COBLL1: variants seen among roughly 807,000 people sequenced by gnomAD.
COBLL1 encodes cordon-bleu protein-like 1.
In COBLL1, 50 loss-of-function variants were observed where a neutral mutation model predicts 94.8. The ratio of observed to expected loss-of-function variants is 0.53; its 90% CI spans 0.42 to 0.67. COBLL1 has a LOEUF of 0.67. Among genes scored for constraint, COBLL1 ranks in the 30% least tolerant of loss-of-function variants. COBLL1 has a pLI of 0.00. For missense variants in COBLL1, 1,362 were observed against 1,348.7 expected (o/e 1.01, Z -0.15); for synonymous variants, 448 against 473.8 (o/e 0.95, Z 0.71).
At chr2:164,778,517 T>C (rs377351562) in intron 2 of COBLL1, among the ~76,000 whole-genome samples, 15 of 152,134 alleles carry the variant, frequency 9.9e-5, no homozygotes, top group African/African-American at 3.4e-4. Context: ...GCATGAGAAG[T>C]GCTTGAACCC....
chr2:164,827,816 A>T (rs3769918), intron 2 of COBLL1, among the ~76,000 whole-genome samples: 30,421 of 152,210 alleles, frequency 0.2, 3,129 homozygotes, highest in Middle Eastern at 0.28. Flanking sequence ...GTTGTAAAAA[A>T]TAATATACCC....
chr2:164,720,667 C>A (rs973265736), intron 7 of COBLL1, among the ~76,000 whole-genome samples: 1 of 152,156 alleles, frequency 6.6e-6, no homozygotes, highest in African/African-American at 2.4e-5. Flanking sequence ...CCTGACTTGA[C>A]CCCTGCTTAC....
chr2:164,805,337 C>A (rs12692746), intron 2 of COBLL1, among the ~76,000 whole-genome samples: 6,561 of 15,842 alleles, frequency 0.41, 1,509 homozygotes, highest in Middle Eastern at 0.5. Context: ...CTCTCTCTCT[C>A]TATATATATA....
At position 164,728,116 on chromosome 2, in the gene COBLL1, G is replaced by A; in HGVS notation, c.514C>T (p.Leu172Phe). 6.2e-7 allele frequency: 1 copy of A among 1,613,624 alleles called. No individual in the cohort carries two copies. Among genetic ancestry groups the A allele is most frequent in the East Asian group, 2.2e-5 (1 of 44,848 alleles). ...CATTTGCTACATATAATAGGGGCAA[G>A]CTCTTGAAGCGATGCATGTGGACTC... ...RVSPHASLQE[L>F]APIICSKCEF... The change falls in exon 5 of 14, where the codon CTT becomes TTT. Residue 172 changes from leucine (L) to phenylalanine (F), a missense_variant. Transcript: ENST00000652658.
chr2:164,691,003 A>T (rs1447289684), intron 13 of COBLL1, among the ~76,000 whole-genome samples: 1 of 152,204 alleles, frequency 6.6e-6, no homozygotes, highest in Non-Finnish European at 1.5e-5. Flanking sequence ...CCAAATTGTT[A>T]TGCTGCCTGG....
rs1684513982 is a variant in COBLL1 at position 164,705,065 on chromosome 2, T to C, written c.1037A>G (p.Gln346Arg). The part of the protein sequence containing the change: ...EAGRVRAGSL[Q>R]LSSMSAGNSS... ...ATTCCCTGCAGACATGCTGCTGAGC[T>C]GCAGTGAACCTGCCCTCACTCTTCC... The change falls in exon 8 of 14, where the codon CAG (glutamine) becomes CGG (arginine). Residue 346 changes from glutamine (Q) to arginine (R), a missense_variant. Transcript: ENST00000652658. 6.3e-7 allele frequency: 1 copy of C among 1,590,892 alleles called. No individual in the cohort carries two copies. Among genetic ancestry groups the C allele is most frequent in the South Asian group, 1.2e-5 (1 of 86,816 alleles).
chr2:164,701,986 ATATT>A (rs1376665648), intron 9 of COBLL1, among the ~76,000 whole-genome samples: 6 of 152,094 alleles, frequency 3.9e-5, no homozygotes, highest in Admixed American at 3.3e-4. Context: ...ACATAATTCA[ATATT>A]TAAAGTACTT....
At chr2:164,728,570 AG>A (rs1685831855) in intron 4 of COBLL1, among the ~76,000 whole-genome samples, 2 of 152,022 alleles carry the variant, frequency 1.3e-5, no homozygotes, top group Non-Finnish European at 2.9e-5. Context: ...CTACCCTTTG[AG>A]GAATATTTAT....
At chr2:164,825,685 G>C (rs1685395416) in intron 2 of COBLL1, among the ~76,000 whole-genome samples, 1 of 152,140 alleles carries the variant, frequency 6.6e-6, no homozygotes, top group Middle Eastern at 3.2e-3. Context: ...GGTGCGTGAG[G>C]CTAATTTTCA....
At chr2:164,676,684 T>A (rs1691341724), downstream of COBLL1, among the ~76,000 whole-genome samples, 1 of 151,516 alleles carries the variant, frequency 6.6e-6, no homozygotes, top group South Asian at 2.1e-4. Context: ...CTGCTTTTTT[T>A]TTTTCCCCCC....
chr2:164,792,803 T>C (rs1683257446), intron 2 of COBLL1, among the ~76,000 whole-genome samples: 2 of 152,250 alleles, frequency 1.3e-5, no homozygotes, highest in South Asian at 4.1e-4. Flanking sequence ...CCTGGAGATG[T>C]TACTCCTCAA....
At chr2:164,697,793 C>T (rs1684030978) in intron 11 of COBLL1, 1 of 152,006 alleles carries the variant, frequency 6.6e-6, no homozygotes, top group African/African-American at 2.4e-5. Flanking sequence ...CCTGGAAACC[C>T]AGAATCCATC....
chr2:164,668,250 C>T (rs1191566434), intron 1 of COBLL1, among the ~76,000 whole-genome samples: 1 of 151,404 alleles, frequency 6.6e-6, no homozygotes, highest in East Asian at 2.0e-4. Flanking sequence ...ACGTGTGAGC[C>T]ACCACGCCCA....
intron 2 of COBLL1, among the ~76,000 whole-genome samples, chr2:164,814,132 G>C (rs1165064161): frequency 6.6e-6 from 1 of 152,098 alleles, no homozygotes; most frequent in Admixed American, 6.6e-5. Flanking sequence ...AGATGAATCA[G>C]AGTAGTAAGG....
intron 2 of COBLL1, among the ~76,000 whole-genome samples, chr2:164,806,981 T>C (rs542549692): frequency 4.6e-5 from 7 of 152,254 alleles, no homozygotes; most frequent in Admixed American, 2.0e-4. Context: ...GCTGGGATTA[T>C]AGCGTGAGCC....
At chr2:164,674,932 G>A (rs750430629) in intron 1 of COBLL1, among the ~76,000 whole-genome samples, 1 of 152,306 alleles carries the variant, frequency 6.6e-6, no homozygotes, top group South Asian at 2.1e-4. Flanking sequence ...TGAAGCAAGT[G>A]AAATTTCATA....
chr2:164,728,986 C>G (rs920016851), intron 4 of COBLL1, among the ~76,000 whole-genome samples: 2 of 151,830 alleles, frequency 1.3e-5, no homozygotes, highest in Non-Finnish European at 2.9e-5. Context: ...AAAACTAAGA[C>G]CCTTTGTATA....
At position 164,762,589 on chromosome 2, in the gene COBLL1, T is replaced by C. The variant is rs575246688; in HGVS notation, c.42-18714A>G. Reference sequence around the variant, plus strand: ...GTGTATTATACGAGAACAAACTAGCTAGCCTGGTAAAAGCATCTGATCATC... The same window carrying C: ...GTGTATTATACGAGAACAAACTAGCCAGCCTGGTAAAAGCATCTGATCATC... On this transcript the variant is annotated intron_variant, in intron 2 of 13. Coordinates refer to ENST00000652658, the MANE Select transcript of COBLL1 (RefSeq NM_001365672.2). 9.8e-5 allele frequency among the ~76,000 whole-genome samples: 15 copies of C among 152,298 alleles called. No individual in the cohort carries two copies. The South Asian group carries it at 2.7e-3, about 27-fold the overall frequency.
At position 164,681,927 on chromosome 2, in the gene COBLL1, A is replaced by C. The variant is rs1383110302; in HGVS notation, c.*4019T>G. 5 of 152,208 alleles carry C rather than the reference A, an allele frequency of 3.3e-5. No homozygotes were observed. The highest frequency in any genetic ancestry group is 5.9e-5 in the Non-Finnish European group (4 of 68,042). The allele number at this position is 152,208 out of a possible 1,614,324, so 9.4% of individuals were successfully genotyped here. ...TTGTAAACACAATGTATCTATATGAACAGTCTAACATATTAAGGATGGAAA... is the reference window on the plus strand; with the variant it reads ...TTGTAAACACAATGTATCTATATGACCAGTCTAACATATTAAGGATGGAAA... On this transcript the variant is annotated 3_prime_UTR_variant, in exon 14 of 14. Coordinates refer to ENST00000652658, the MANE Select transcript of COBLL1 (RefSeq NM_001365672.2).
Sources: gnomAD v4.1 joint callset for allele counts (sites outside exome capture counted in the v4.1 genomes callset) on GRCh38, gnomAD v4.1.1 for gene constraint, MANE v1.5 for transcripts, NCBI Gene and HGNC (gene_info 2026-07-23, HGNC 2026-07-21) for gene names.